Variants in HMGB1 observed in about 807,000 individuals in gnomAD.
HMGB1 encodes high mobility group protein B1.
For synonymous variants in HMGB1, 81 were observed against 84.0 expected (o/e 0.96, Z 0.19); for missense variants, 79 against 253.5 (o/e 0.31, Z 4.67).
At chr13:30,554,056 C>G in intron 1 of HMGB1, 1 of 1,387,636 alleles carries the variant, frequency 7.2e-7, no homozygotes, top group Non-Finnish European at 1.0e-6. Flanking sequence ...TACTGGCCAA[C>G]AGATGACCAA....
At chr13:30,550,511 G>C (rs565666405) in intron 1 of HMGB1, among the ~76,000 whole-genome samples, 1 of 152,180 alleles carries the variant, frequency 6.6e-6, no homozygotes, top group Admixed American at 6.5e-5. Context: ...CGTGTTTGTC[G>C]TACTTCCTTA....
At chr13:30,512,054 C>T (rs546006941) in intron 1 of HMGB1, among the ~76,000 whole-genome samples, 5 of 152,130 alleles carry the variant, frequency 3.3e-5, no homozygotes, top group African/African-American at 1.2e-4. Context: ...TGACTCATGC[C>T]TATAATCCTA....
At chr13:30,513,722 C>T (rs1888041132) in intron 1 of HMGB1, among the ~76,000 whole-genome samples, 1 of 152,194 alleles carries the variant, frequency 6.6e-6, no homozygotes, top group African/African-American at 2.4e-5. Context: ...AACTAATCCA[C>T]TCTCATGATA....
chr13:30,462,245 G>A (rs1334614238), intron 4 of HMGB1: 3 of 416,232 alleles, frequency 7.2e-6, no homozygotes, highest in African/African-American at 4.1e-5. Context: ...CAAGCCATTT[G>A]AAAATGCTCA....
In HMGB1 at chr13:30,538,726, TTC is replaced by T. The variant is rs1234906465; in HGVS notation, c.-14-75034_-14-75033del. 6.4e-5 allele frequency among the ~76,000 whole-genome samples: 8 copies of T among 124,774 alleles called. 1 individual carries two copies. The East Asian group carries it at 1.4e-3, about 21-fold the overall frequency. The allele number at this position is 124,774 out of a possible 152,430, so 81.9% of individuals were successfully genotyped here. ...CTTTTTCTTTCTTTCTTCTTTTTCT[TTC>T]TTTTTCTTTCTTTCTTCTTTTTCTT... On this transcript the variant is annotated intron_variant, in intron 1 of 4. Transcript: ENST00000405805.
Position 30,586,470 on chromosome 13 carries a change from G to T in HMGB1, c.-15+30201C>A, listed in dbSNP as rs150695038. 7.4e-3 allele frequency among the ~76,000 whole-genome samples: 917 copies of T among 123,270 alleles called. 10 individuals are homozygous for T. The highest frequency in any genetic ancestry group is 0.022 in the African/African-American group (697 of 32,136). The allele number at this position is 123,270 out of a possible 152,430, so 80.9% of individuals were successfully genotyped here. On this transcript the variant is annotated intron_variant, in intron 1 of 4. Coordinates refer to the HMGB1 transcript ENST00000405805. ...ATCTGTTGAAACACTGAAATCACTG[G>T]TTTTTTTTGTTTTTTTTTTTTTTTT...
chr13:30,475,311 C>G (rs1460047687), intron 1 of HMGB1, among the ~76,000 whole-genome samples: 1 of 149,308 alleles, frequency 6.7e-6, no homozygotes, highest in Non-Finnish European at 1.5e-5. Flanking sequence ...TCCCACCTCT[C>G]CCCTCCCTTC....
chr13:30,559,002 G>C lies in HMGB1; in HGVS notation c.-15+57669C>G, dbSNP rs1593311794. On this transcript the variant is annotated intron_variant, in intron 1 of 4. Coordinates refer to the HMGB1 transcript ENST00000405805. The surrounding 1 kb of genome is among the most constrained non-coding windows in gnomAD (Gnocchi z 6.6). ...AACCCTGGCTCGTGACTCACAGTAG[G>C]TGTTCAGAATGTGTTGAATGAATAA... is the stretch of plus-strand genomic sequence containing the variant. 2.0e-5 allele frequency among the ~76,000 whole-genome samples: 3 copies of C among 152,214 alleles called. No individual in the cohort carries two copies. Among genetic ancestry groups the C allele is most frequent in the African/African-American group, 7.2e-5 (3 of 41,448 alleles).
intron 1 of HMGB1, among the ~76,000 whole-genome samples, chr13:30,511,931 C>T (rs1348059522): frequency 7.6e-6 from 1 of 130,966 alleles, no homozygotes; most frequent in Non-Finnish European, 1.7e-5. Context: ...TCTAACCTCT[C>T]TGATTCTTCT....
intron 1 of HMGB1, among the ~76,000 whole-genome samples, chr13:30,526,349 G>A (rs893450371): frequency 1.3e-5 from 2 of 152,168 alleles, no homozygotes; most frequent in Non-Finnish European, 2.9e-5. Flanking sequence ...AAGCCACTAC[G>A]CCTGGCCCAA....
intron 3 of HMGB1, 100 bp from the exon 4 acceptor site, chr13:30,462,812 T>C: frequency 6.5e-6 from 6 of 924,786 alleles, no homozygotes; most frequent in Non-Finnish European, 3.4e-6. Flanking sequence ...CCTGTGAATT[T>C]CTGTGATGCA....
At chr13:30,591,287 C>T (rs1326909449) in intron 1 of HMGB1, among the ~76,000 whole-genome samples, 1 of 152,096 alleles carries the variant, frequency 6.6e-6, no homozygotes, top group East Asian at 1.9e-4. Context: ...CCGCCTCGGC[C>T]TCCCAAAGTG....
intron 1 of HMGB1, chr13:30,464,790 T>G (rs1886634013): frequency 9.2e-6 from 2 of 217,764 alleles, no homozygotes; most frequent in Admixed American, 6.8e-5. Context: ...TGTGTGTGTA[T>G]GAGAGAGTGT....
intron 1 of HMGB1, among the ~76,000 whole-genome samples, chr13:30,510,880 C>T (rs1378739915): frequency 1.3e-5 from 2 of 152,200 alleles, no homozygotes. Flanking sequence ...CTCAGTTTCT[C>T]TCCAAATTCT....
chr13:30,463,387 C>T (rs371450041), intron 2 of HMGB1, 35 bp from the exon 3 acceptor site: 8 of 1,568,530 alleles, frequency 5.1e-6, no homozygotes, highest in Non-Finnish European at 6.9e-6. Flanking sequence ...TAAGTTGTAA[C>T]ATTTAAGTAA....
intron 1 of HMGB1, chr13:30,554,203 G>A (rs1869568749): frequency 5.6e-6 from 8 of 1,437,464 alleles, no homozygotes; most frequent in Non-Finnish European, 7.8e-6. Flanking sequence ...TGCATTATAC[G>A]ACCTGGCCAG....
intron 2 of HMGB1, 38 bp downstream of exon 2, chr13:30,463,492 CT>C (rs772750574): frequency 6.3e-7 from 1 of 1,586,756 alleles, no homozygotes; most frequent in Non-Finnish European, 8.6e-7. Flanking sequence ...TGGAAACTGT[CT>C]TTTAATTACC....
intron 1 of HMGB1, among the ~76,000 whole-genome samples, chr13:30,501,551 A>T (rs777014136): frequency 3.5e-5 from 5 of 141,556 alleles, no homozygotes; most frequent in African/African-American, 4.9e-5. Context: ...ATATTATTTT[A>T]TATATTTATA....
At chr13:30,582,286 T>G (rs1870932451) in intron 1 of HMGB1, among the ~76,000 whole-genome samples, 1 of 152,190 alleles carries the variant, frequency 6.6e-6, no homozygotes, top group African/African-American at 2.4e-5. Context: ...ACACATTATT[T>G]AAAAATACAT....
Sources: allele counts gnomAD v4.1 joint callset (sites outside exome capture counted in the v4.1 genomes callset), GRCh38; gene constraint gnomAD v4.1.1; non-coding constraint Gnocchi (gnomAD v3.1); transcripts MANE v1.5; gene names NCBI Gene and HGNC (gene_info 2026-07-23, HGNC 2026-07-21).